VPS13B: variants seen among roughly 807,000 people sequenced by gnomAD.
The protein encoded by VPS13B is vacuolar protein sorting 13 homolog B, also known as intermembrane lipid transfer protein VPS13B.
Under a neutral mutation model 426.4 loss-of-function variants are expected in VPS13B, and 285 were observed. The ratio of observed to expected loss-of-function variants is 0.67; its 90% confidence interval spans 0.61 to 0.74. The LOEUF is 0.74. Among genes scored for constraint, VPS13B ranks in the 30% least tolerant of loss-of-function variants. VPS13B has a pLI of 0.00. For synonymous variants in VPS13B, 1,676 were observed against 1,676.4 expected (o/e 1.00, Z 0.01); for missense variants, 4,537 against 4,782.6 (o/e 0.95, Z 1.51).
intron 24 of VPS13B, among the ~76,000 whole-genome samples, chr8:99,478,748 G>A (rs781143881): frequency 2.0e-5 from 3 of 151,190 alleles, no homozygotes; most frequent in African/African-American, 7.3e-5. Flanking sequence ...CACACCTGGC[G>A]CGAGCTCTTG....
chr8:99,200,092 T>C (rs558232335), intron 17 of VPS13B, among the ~76,000 whole-genome samples: 2 of 152,324 alleles, frequency 1.3e-5, no homozygotes, highest in South Asian at 4.1e-4. Flanking sequence ...ATCTACTTTT[T>C]GTCTGTATGG....
intron 2 of VPS13B, among the ~76,000 whole-genome samples, chr8:99,036,400 T>G (rs562176130): frequency 6.6e-6 from 1 of 152,196 alleles, no homozygotes. Context: ...AGACATATAT[T>G]TCAAGAAGGG....
chr8:99,823,777 A>G, intron 50 of VPS13B, 55 bp from the exon 51 acceptor site: 2 of 1,571,396 alleles, frequency 1.3e-6, no homozygotes, highest in Non-Finnish European at 1.7e-6. Flanking sequence ...TACTCAAGAG[A>G]TTTTGATATG....
At chr8:99,686,798 C>T (rs566324158) in intron 35 of VPS13B, among the ~76,000 whole-genome samples, 34 of 152,144 alleles carry the variant, frequency 2.2e-4, no homozygotes, top group Non-Finnish European at 3.5e-4. Flanking sequence ...AAATGCCATC[C>T]AAGAACCAAG....
At position 99,391,668 on chromosome 8, in the gene VPS13B, T is replaced by C. The variant is rs1265481817; in HGVS notation, c.3046T>C (p.Tyr1016His). 4 of 1,613,958 alleles carry C rather than the reference T, an allele frequency of 2.5e-6. No individual in the cohort carries two copies. The highest frequency in any genetic ancestry group is 3.4e-6 in the Non-Finnish European group (4 of 1,179,928). Residue 1016 changes from tyrosine to histidine, a missense_variant, in exon 21 of 62, where the codon TAT becomes CAT. Physicochemically the swap from Tyr to His is moderately conservative, Grantham distance 83 (BLOSUM62 2). Coordinates refer to ENST00000357162, the MANE Select transcript of VPS13B (RefSeq NM_152564.5). ...GCAGCAATCATATCAGGCCTCTGAATATGCCAGCAGCCCTGTAAAAACAAA... is the reference window on the plus strand; with the variant it reads ...GCAGCAATCATATCAGGCCTCTGAACATGCCAGCAGCCCTGTAAAAACAAA... Reference protein sequence around the residue: ...AKQQSYQASEYASSPVKTKTV... With the variant: ...AKQQSYQASEHASSPVKTKTV...
intron 21 of VPS13B, 129 bp downstream of exon 21, chr8:99,391,833 A>G (rs915903392): frequency 2.9e-5 from 35 of 1,218,126 alleles, no homozygotes; most frequent in Non-Finnish European, 2.3e-5. Flanking sequence ...GAACTTTATT[A>G]TCCACAACAT....
rs1262573943 is a variant in VPS13B, at chr8:99,859,405, C to A, written c.10969C>A (p.Leu3657Met). Residue 3657 changes from leucine to methionine, a missense_variant, in exon 57 of 62, where the codon CTG becomes ATG. This residue lies in a region of VPS13B where 4,311 missense variants were observed against 4,474.3 expected (regional missense o/e 0.96). Coordinates refer to ENST00000357162, the MANE Select transcript of VPS13B (RefSeq NM_152564.5). ...CTTCTTCAGGCTTCCGTATGAGGGG[C>A]TGACCCGGGGCCCTGGAGCCTTCGT... ...ADFFRLPYEG[L>M]TRGPGAFVSG... is the part of the protein sequence containing the mutation. The A allele has an allele frequency of 1.2e-6, 2 of 1,614,182 alleles. No individual in the cohort carries two copies. Among genetic ancestry groups the A allele is most frequent in the Admixed American group, 3.3e-5 (2 of 60,026 alleles).
chr8:99,273,898 A>G (rs1232865921), intron 17 of VPS13B, among the ~76,000 whole-genome samples: 1 of 152,250 alleles, frequency 6.6e-6, no homozygotes, highest in Non-Finnish European at 1.5e-5. Flanking sequence ...CTAAAACCAA[A>G]TATGATTTTT....
At chr8:99,200,772 A>G (rs955627950) in intron 17 of VPS13B, among the ~76,000 whole-genome samples, 9 of 151,898 alleles carry the variant, frequency 5.9e-5, no homozygotes, top group Admixed American at 5.9e-4. Flanking sequence ...AGATTTCTTT[A>G]TATATTTTAG....
intron 19 of VPS13B, among the ~76,000 whole-genome samples, chr8:99,333,987 T>A (rs1810684347): frequency 6.6e-6 from 1 of 151,990 alleles, no homozygotes; most frequent in Non-Finnish European, 1.5e-5. Context: ...ACTTCTGTAT[T>A]GTTTCTATTT....
intron 4 of VPS13B, among the ~76,000 whole-genome samples, chr8:99,098,507 T>G (rs556746899): frequency 1.3e-4 from 20 of 152,322 alleles, no homozygotes; most frequent in Middle Eastern, 6.8e-3. Flanking sequence ...TACAGTTTAT[T>G]TAACCAGTCC....
intron 16 of VPS13B, among the ~76,000 whole-genome samples, chr8:99,174,235 A>G (rs966482387): frequency 6.6e-6 from 1 of 152,318 alleles, no homozygotes; most frequent in Non-Finnish European, 1.5e-5. Context: ...TTATCCATTG[A>G]CAAATACCTC....
chr8:99,181,242 G>A (rs187788238), intron 16 of VPS13B, among the ~76,000 whole-genome samples: 2 of 152,272 alleles, frequency 1.3e-5, no homozygotes, highest in Admixed American at 1.3e-4. Context: ...GTATAGAAAT[G>A]TTCTCATGAT....
intron 3 of VPS13B, among the ~76,000 whole-genome samples, chr8:99,045,065 A>T (rs977083561): frequency 2.6e-5 from 4 of 152,180 alleles, no homozygotes; most frequent in African/African-American, 9.7e-5. Context: ...CACTGCGTAG[A>T]TACCCAGTAG....
chr8:99,183,026 A>G (rs914402457), intron 16 of VPS13B, among the ~76,000 whole-genome samples: 1 of 152,192 alleles, frequency 6.6e-6, no homozygotes, highest in Non-Finnish European at 1.5e-5. Flanking sequence ...GGCGTGAGCC[A>G]CCGCACCTGG....
chr8:99,636,833 G>A (rs1461479222), intron 33 of VPS13B, among the ~76,000 whole-genome samples: 1 of 152,002 alleles, frequency 6.6e-6, no homozygotes, highest in Non-Finnish European at 1.5e-5. Flanking sequence ...TTTTGAAAGG[G>A]ACGCAAAGTA....
intron 33 of VPS13B, among the ~76,000 whole-genome samples, chr8:99,635,328 C>G (rs1306762418): frequency 5.3e-5 from 8 of 151,828 alleles, no homozygotes; most frequent in Admixed American, 3.9e-4. Flanking sequence ...TTACACTTGA[C>G]TTTTTATAAT....
intron 17 of VPS13B, among the ~76,000 whole-genome samples, chr8:99,259,525 C>G (rs1402036224): frequency 2.0e-5 from 3 of 152,000 alleles, no homozygotes; most frequent in African/African-American, 7.2e-5. Context: ...CTCATAATGT[C>G]AAAGCACTAG....
intron 33 of VPS13B, among the ~76,000 whole-genome samples, chr8:99,593,849 C>A (rs1743354090): frequency 6.6e-6 from 1 of 151,970 alleles, no homozygotes; most frequent in Non-Finnish European, 1.5e-5. Context: ...TCAGTGGGAG[C>A]TGAATGATGA....
Sources: gnomAD v4.1 joint callset for allele counts (sites outside exome capture counted in the v4.1 genomes callset) on GRCh38, gnomAD v4.1.1 for gene constraint, gnomAD v4.1.1 regional missense constraint, MANE v1.5 for transcripts, NCBI Gene and HGNC (gene_info 2026-07-23, HGNC 2026-07-21) for gene names.